Variants in ARHGAP35 observed in about 807,000 individuals in gnomAD.
The protein encoded by ARHGAP35 is Rho GTPase activating protein 35.
In ARHGAP35, 15 loss-of-function variants were observed where a neutral mutation model predicts 111.1. That is an observed-to-expected ratio of 0.13 (90% CI 0.09 to 0.21). The LOEUF is 0.21. Ranked by LOEUF, ARHGAP35 falls within the 10% of genes least tolerant of loss-of-function variation. The probability of loss-of-function intolerance (pLI) is 1.00; values close to 1 mark genes in which losing one functional copy is unlikely to be tolerated. For synonymous variants in ARHGAP35, 643 were observed against 710.3 expected, an observed-to-expected ratio of 0.91 and a Z score of 1.51; for missense variants, 1,262 against 1,873.0, an observed-to-expected ratio of 0.67 and a Z score of 6.02.
At chr19:46,970,690 A>G (rs2056541918) in intron 3 of ARHGAP35, among the ~76,000 whole-genome samples, 1 of 152,200 alleles carries the variant, frequency 6.6e-6, no homozygotes, top group Non-Finnish European at 1.5e-5. Flanking sequence ...ACGATGATGC[A>G]GCCTTGTTCT....
chr19:46,862,165 C>A (rs544886585), intron 1 of ARHGAP35, among the ~76,000 whole-genome samples: 5 of 152,280 alleles, frequency 3.3e-5, no homozygotes, highest in Non-Finnish European at 7.3e-5. Context: ...GCTCCCCTCA[C>A]CTGCTTGCTT....
At position 46,905,300 on chromosome 19, in the gene ARHGAP35, G is replaced by C. The variant is rs574740020; in HGVS notation, c.-188-13188G>C. Among the ~76,000 whole-genome samples the C allele has an allele frequency of 9.9e-5, 15 of 152,252 alleles. 1 individual carries two copies. In the South Asian group the frequency reaches 3.1e-3, roughly 32 times the overall value. ...CTCAGCACTTTGGGAGGCTGAGGCG[G>C]GTGGATCAGGAGATCGAGGCCAGCC... On this transcript the variant is annotated intron_variant, in intron 1 of 6. Coordinates refer to ENST00000672722, the MANE Select transcript of ARHGAP35 (RefSeq NM_004491.5).
chr19:46,962,588 ACT>A (rs2056490386), intron 3 of ARHGAP35, among the ~76,000 whole-genome samples: 1 of 152,096 alleles, frequency 6.6e-6, no homozygotes, highest in Non-Finnish European at 1.5e-5. Flanking sequence ...GTTCTCTGTT[ACT>A]CTGGCCAACC....
rs1471234556 is a variant in ARHGAP35 at position 47,001,775 on chromosome 19, C to T, written c.*1087C>T. The T allele has an allele frequency of 9.1e-6, 2 of 220,644 alleles. No homozygotes were observed. The highest frequency in any genetic ancestry group is 6.7e-5 in the South Asian group (1 of 15,018). 13.7% of individuals were successfully genotyped at this position (220,644 alleles called of 1,614,324 possible). ...ATGTGAGTGTGAGTGTGTGTGGGCG[C>T]TTGGTGGGGGGTTGGGGACAGCTGG... On this transcript the variant is annotated 3_prime_UTR_variant, in exon 7 of 7. Transcript: ENST00000672722. The surrounding 1 kb of genome is among the most constrained non-coding windows in gnomAD (Gnocchi z 5.4).
At chr19:46,892,168 T>C (rs1025666696) in intron 1 of ARHGAP35, among the ~76,000 whole-genome samples, 1 of 139,142 alleles carries the variant, frequency 7.2e-6, no homozygotes, top group Non-Finnish European at 1.5e-5. Context: ...CCAGGCCTGG[T>C]GGCATGCCTG....
intron 1 of ARHGAP35, among the ~76,000 whole-genome samples, chr19:46,877,430 G>A (rs547378952): frequency 3.3e-5 from 5 of 151,806 alleles, no homozygotes; most frequent in African/African-American, 1.2e-4. Context: ...GGGCGTGGTG[G>A]TGGGCACCTG....
In ARHGAP35 at chr19:47,001,546, G is replaced by A. The variant is rs1464406780; in HGVS notation, c.*858G>A. The A allele has an allele frequency of 1.9e-6, 1 of 528,244 alleles. No individual in the cohort carries two copies. Among genetic ancestry groups the A allele is most frequent in the African/African-American group, 2.0e-5 (1 of 50,008 alleles). 32.7% of individuals were successfully genotyped at this position (528,244 alleles called of 1,614,324 possible). On this transcript the variant is annotated 3_prime_UTR_variant, in exon 7 of 7. Transcript: ENST00000672722. This position sits in a 1 kb window ranked among gnomAD's most constrained non-coding sequence, Gnocchi z 5.4. ...GCAAAACCAGGATGCCTGGAGCTGT[G>A]GCCTGAGGGCCTGCTGGGGTCCCAC...
chr19:46,978,507 CGTGTGTGATGGGAT>C (rs1266254818), intron 3 of ARHGAP35, among the ~76,000 whole-genome samples: 1 of 119,742 alleles, frequency 8.4e-6, no homozygotes, highest in East Asian at 2.6e-4. Context: ...GTGGTGGTGG[CGTGTGTGATGGGAT>C]GTGTGTGTGT....
rs747040556 is a variant in ARHGAP35 at position 46,994,391 on chromosome 19, G to A, written c.4036+4716G>A. The stretch of plus-strand genomic sequence containing the variant: ...CACACAGACTGTGGCCCCAGCCTTC[G>A]GCAGCACCATAGGGTAGAAGGTGTC... On this transcript the variant is annotated intron_variant, in intron 5 of 6. Coordinates refer to ENST00000672722, the MANE Select transcript of ARHGAP35 (RefSeq NM_004491.5). The surrounding 1 kb of genome is among the most constrained non-coding windows in gnomAD (Gnocchi z 5.4). 7.9e-5 allele frequency among the ~76,000 whole-genome samples: 12 copies of A among 152,178 alleles called. No individual in the cohort carries two copies. The highest frequency in any genetic ancestry group is 1.9e-4 in the East Asian group (1 of 5,188).
intron 3 of ARHGAP35, among the ~76,000 whole-genome samples, chr19:46,944,942 C>G (rs1599838508): frequency 6.6e-6 from 1 of 152,216 alleles, no homozygotes; most frequent in Non-Finnish European, 1.5e-5. Flanking sequence ...GTTCATACTT[C>G]TGAAAATCAG....
chr19:46,948,740 A>G (rs1234374477), intron 3 of ARHGAP35: 1 of 152,240 alleles, frequency 6.6e-6, no homozygotes, highest in African/African-American at 2.4e-5. Context: ...GAAGCCAACC[A>G]GTGGTAGCCT....
intron 1 of ARHGAP35, among the ~76,000 whole-genome samples, chr19:46,889,477 CAAA>C (rs1352010837): frequency 1.3e-5 from 2 of 151,168 alleles, no homozygotes; most frequent in African/African-American, 4.9e-5. Context: ...AAAACAAAGA[CAAA>C]GAACCGTTCT....
intron 1 of ARHGAP35, among the ~76,000 whole-genome samples, chr19:46,877,649 TTTAAAAAAG>T (rs1310381073): frequency 6.6e-6 from 1 of 152,182 alleles, no homozygotes; most frequent in African/African-American, 2.4e-5. Context: ...TCATTATGTC[TTTAAAAAAG>T]TATATACCTT....
At chr19:46,878,705 G>C (rs765564029) in intron 1 of ARHGAP35, among the ~76,000 whole-genome samples, 1 of 152,006 alleles carries the variant, frequency 6.6e-6, no homozygotes, top group Non-Finnish European at 1.5e-5. Context: ...CAGTGGTGTG[G>C]TCACAGCTCA....
intron 1 of ARHGAP35, among the ~76,000 whole-genome samples, chr19:46,887,630 C>T (rs766583949): frequency 6.6e-6 from 1 of 152,132 alleles, no homozygotes; most frequent in Non-Finnish European, 1.5e-5. Context: ...TTCTGCTTAT[C>T]TGCCCACTTC....
Position 46,999,531 on chromosome 19 carries a change from G to T in ARHGAP35, c.4142+122G>T. The T allele has an allele frequency of 1.5e-6, 1 of 683,080 alleles. No individual in the cohort carries two copies. Among genetic ancestry groups the T allele is most frequent in the Non-Finnish European group, 2.5e-6 (1 of 406,528 alleles). 42.3% of individuals were successfully genotyped at this position (683,080 alleles called of 1,614,324 possible). A position where few individuals can be genotyped will look rare whatever the true frequency, so the allele number is the denominator to read the frequency against. Reference sequence around the variant, plus strand: ...AGCCTCAGGCCCTGGCCTGGAAGGGGTGCTGGCTGGCCTCCCATGGTGCCC... The same window carrying T: ...AGCCTCAGGCCCTGGCCTGGAAGGGTTGCTGGCTGGCCTCCCATGGTGCCC... On this transcript the variant is annotated intron_variant, in intron 6 of 6. Coordinates refer to ENST00000672722, the MANE Select transcript of ARHGAP35 (RefSeq NM_004491.5). This position sits in a 1 kb window ranked among gnomAD's most constrained non-coding sequence, Gnocchi z 5.4.
At chr19:46,874,284 C>G (rs2055903919) in intron 1 of ARHGAP35, among the ~76,000 whole-genome samples, 1 of 152,008 alleles carries the variant, frequency 6.6e-6, no homozygotes, top group Admixed American at 6.6e-5. Context: ...GCAATTCTTC[C>G]CTTACAGGTA....
chr19:46,895,817 G>A (rs1039308953), intron 1 of ARHGAP35, among the ~76,000 whole-genome samples: 1 of 152,150 alleles, frequency 6.6e-6, no homozygotes, highest in Non-Finnish European at 1.5e-5. Flanking sequence ...AAATCTGTGA[G>A]GAAGGCCAGG....
Position 46,957,886 on chromosome 19 carries a change from GA to G in ARHGAP35, c.3826+20480del, listed in dbSNP as rs1288949597. Among the ~76,000 whole-genome samples the G allele has an allele frequency of 2.0e-5, 3 of 152,190 alleles. No homozygotes were observed. In the East Asian group the frequency reaches 5.8e-4, roughly 29 times the overall value. ...TAGGAGTTAGGAAATGAGAATGGGG[GA>G]ATAGGTATAGAAGGAGGGAGATTTC... On this transcript the variant is annotated intron_variant, in intron 3 of 6. Coordinates refer to ENST00000672722, the MANE Select transcript of ARHGAP35 (RefSeq NM_004491.5).
Sources: gnomAD v4.1 joint callset for allele counts (sites outside exome capture counted in the v4.1 genomes callset) on GRCh38, gnomAD v4.1.1 for gene constraint, Gnocchi (gnomAD v3.1) non-coding constraint, MANE v1.5 for transcripts, NCBI Gene and HGNC (gene_info 2026-07-23, HGNC 2026-07-21) for gene names.